Variants in HPRT1 observed in about 807,000 individuals in gnomAD.
The protein encoded by HPRT1 is hypoxanthine phosphoribosyltransferase 1.
A neutral mutation model predicts 19.0 loss-of-function variants in HPRT1; 4 were observed. The observed-to-expected ratio is 0.21, with a 90% CI of 0.10 to 0.48. The LOEUF (loss-of-function observed/expected upper bound fraction) is 0.48, where lower values mean the gene tolerates loss of function less well. Among genes scored for constraint, HPRT1 ranks in the 20% least tolerant of loss-of-function variants. The pLI, the probability that HPRT1 is intolerant of heterozygous loss-of-function variation, is 0.98. For missense variants in HPRT1, 65 were observed against 164.0 expected (o/e 0.40, Z 3.30); for synonymous variants, 53 against 54.9 (o/e 0.97, Z 0.15).
chrX:134,500,410 G>T lies in HPRT1; in HGVS notation c.*333G>T. 1 of 176,703 alleles carries T rather than the reference G, an allele frequency of 5.7e-6. No homozygotes were observed. The allele number at this position is 176,703 out of a possible 1,213,427, so 14.6% of individuals were successfully genotyped here. On this transcript the variant is annotated 3_prime_UTR_variant, in exon 9 of 9. Coordinates refer to ENST00000298556, the MANE Select transcript of HPRT1 (RefSeq NM_000194.3). Reference sequence around the variant, plus strand: ...AGAAGATATATTAGTTTTTTAATTGGTATTTTAATTTTTATATATGCAGGA... The same window carrying T: ...AGAAGATATATTAGTTTTTTAATTGTTATTTTAATTTTTATATATGCAGGA...
chrX:134,468,754 C>CA (rs150188289), intron 1 of HPRT1, among the ~76,000 whole-genome samples: 912 of 31,555 alleles, frequency 0.029, 18 homozygotes, highest in African/African-American at 0.066. Flanking sequence ...GACTCCGTCT[C>CA]AAAAAAAAAA....
intron 3 of HPRT1, among the ~76,000 whole-genome samples, chrX:134,477,028 TATTTTA>T (rs1430267816): frequency 9.7e-6 from 1 of 102,655 alleles, no homozygotes; most frequent in African/African-American, 3.7e-5. Context: ...TATTTTATTT[TATTTTA>T]TTTTATTTTA....
intron 3 of HPRT1, among the ~76,000 whole-genome samples, chrX:134,482,535 A>G (rs1038215920): frequency 1.8e-5 from 2 of 111,774 alleles, no homozygotes; most frequent in Non-Finnish European, 3.8e-5. Flanking sequence ...GTGGCTTTTG[A>G]GCGCTTGACA....
chrX:134,463,405 A>G (rs1215042305), intron 1 of HPRT1, among the ~76,000 whole-genome samples: 1 of 112,017 alleles, frequency 8.9e-6, no homozygotes, highest in Admixed American at 9.5e-5. Flanking sequence ...AATTTTTTAC[A>G]GAATTGGTAA....
At chrX:134,468,477 T>C (rs2077602853) in intron 1 of HPRT1, among the ~76,000 whole-genome samples, 2 of 109,041 alleles carry the variant, frequency 1.8e-5, no homozygotes, top group Non-Finnish European at 3.8e-5. Flanking sequence ...ATTAACCAAG[T>C]GTGGTGGTGG....
chrX:134,479,904 T>G (rs1387457348), intron 3 of HPRT1, among the ~76,000 whole-genome samples: 2 of 111,237 alleles, frequency 1.8e-5, no homozygotes, highest in Non-Finnish European at 3.8e-5. Context: ...CTGTACCCAG[T>G]CTAGTGATTT....
intron 3 of HPRT1, among the ~76,000 whole-genome samples, chrX:134,483,919 C>T (rs1177911311): frequency 1.8e-5 from 2 of 111,884 alleles, no homozygotes; most frequent in African/African-American, 6.5e-5. Context: ...CCTGTAATCT[C>T]GGCACTTTAG....
At chrX:134,470,603 C>T (rs1044704432) in intron 1 of HPRT1, among the ~76,000 whole-genome samples, 1 of 111,362 alleles carries the variant, frequency 9.0e-6, no homozygotes, top group African/African-American at 3.3e-5. Context: ...CTTAAATCAT[C>T]AGCTTCTTGA....
chrX:134,498,399 G>A lies in HPRT1; in HGVS notation c.495G>A (p.Val165=). Residue 165 remains valine, a synonymous_variant, in exon 7 of 9, where the codon GTG becomes GTA. Coordinates refer to ENST00000298556, the MANE Select transcript of HPRT1 (RefSeq NM_000194.3). ...ATTTTGTAATTAACAGCTTGCTGGT[G>A]AAAAGGACCCCACGAAGTGTTGGAT... ...PKMVKVASLL[V]KRTPRSVGYK... 1 of 1,204,495 alleles carries A rather than the reference G, an allele frequency of 8.3e-7. No homozygotes were observed. The highest frequency in any genetic ancestry group is 1.1e-6 in the Non-Finnish European group (1 of 888,638).
chrX:134,466,539 A>G (rs1283790943), intron 1 of HPRT1, among the ~76,000 whole-genome samples: 2 of 111,466 alleles, frequency 1.8e-5, no homozygotes, highest in African/African-American at 6.5e-5. Flanking sequence ...CCTTGCAGGT[A>G]CCTTAATTTT....
chrX:134,484,912 G>A lies in HPRT1; in HGVS notation c.319-1553G>A, dbSNP rs564817924. Among the ~76,000 whole-genome samples, 7 of 111,505 alleles carry A rather than the reference G, an allele frequency of 6.3e-5. No homozygotes were observed. In the East Asian group the frequency reaches 1.7e-3, roughly 27 times the overall value. On this transcript the variant is annotated intron_variant, in intron 3 of 8. Coordinates refer to ENST00000298556, the MANE Select transcript of HPRT1 (RefSeq NM_000194.3). ...TGGCCTTGAACTCCTGGGGTCAAGCGATCGTCTTGCCTCTGCCTCCCTGGG... is the reference window on the plus strand; with the variant it reads ...TGGCCTTGAACTCCTGGGGTCAAGCAATCGTCTTGCCTCTGCCTCCCTGGG...
intron 3 of HPRT1, among the ~76,000 whole-genome samples, chrX:134,476,462 AGTG>A (rs1171564628): frequency 1.4e-4 from 16 of 112,061 alleles, no homozygotes; most frequent in African/African-American, 5.2e-4. Context: ...ACTCAACAAA[AGTG>A]ATTGATTGAT....
intron 5 of HPRT1, among the ~76,000 whole-genome samples, chrX:134,490,612 T>C (rs1455410655): frequency 9.2e-6 from 1 of 108,216 alleles, no homozygotes; most frequent in African/African-American, 3.4e-5. Flanking sequence ...TGCTAAAGTA[T>C]TTTGTATCTT....
At chrX:134,467,803 C>CT (rs765621209) in intron 1 of HPRT1, among the ~76,000 whole-genome samples, 1,048 of 89,442 alleles carry the variant, frequency 0.012, 11 homozygotes, top group Middle Eastern at 0.021. Context: ...TAACCTGTAT[C>CT]TTTTTTTTTT....
chrX:134,491,953 A>G (rs1602747535), intron 5 of HPRT1, among the ~76,000 whole-genome samples: 1 of 100,909 alleles, frequency 9.9e-6, no homozygotes, highest in Admixed American at 1.1e-4. Flanking sequence ...GTGTGTATAT[A>G]TATATATACA....
At chrX:134,493,663 A>G (rs1368838555) in intron 6 of HPRT1, 73 bp downstream of exon 6, 3 of 678,679 alleles carry the variant, frequency 4.4e-6, no homozygotes, top group Non-Finnish European at 7.3e-6. Flanking sequence ...CTTTTTAAGG[A>G]TAAATGTTTT....
chrX:134,482,033 C>T (rs2077641780), intron 3 of HPRT1, among the ~76,000 whole-genome samples: 2 of 111,227 alleles, frequency 1.8e-5, no homozygotes, highest in Admixed American at 9.6e-5. Context: ...CTTAAAAATA[C>T]CAGGTGGTTT....
intron 1 of HPRT1, among the ~76,000 whole-genome samples, chrX:134,467,611 G>C (rs1602737776): frequency 9.0e-6 from 1 of 111,351 alleles, no homozygotes; most frequent in East Asian, 2.8e-4. Context: ...TTTCTGTCTA[G>C]CTCTTATAGA....
At chrX:134,462,069 C>T (rs2077585609) in intron 1 of HPRT1, among the ~76,000 whole-genome samples, 1 of 111,846 alleles carries the variant, frequency 8.9e-6, no homozygotes, top group African/African-American at 3.2e-5. Flanking sequence ...TTCCCGGGCT[C>T]GGGTGATTCT....
Sources: allele counts gnomAD v4.1 joint callset (sites outside exome capture counted in the v4.1 genomes callset), GRCh38; gene constraint gnomAD v4.1.1; transcripts MANE v1.5; gene names NCBI Gene and HGNC (gene_info 2026-07-23, HGNC 2026-07-21).